NRXN1: variants seen among roughly 807,000 people sequenced by gnomAD.
The protein encoded by NRXN1 is neurexin 1, also known as neurexin-1.
Under a neutral mutation model 150.9 loss-of-function variants are expected in NRXN1, and 39 were observed. The ratio of observed to expected loss-of-function variants is 0.26; its 90% confidence interval spans 0.20 to 0.34. The LOEUF is 0.34. NRXN1 is among the 10% of genes least tolerant of loss of function. The pLI is 1.00. For synonymous variants in NRXN1, 924 were observed against 757.0 expected, an observed-to-expected ratio of 1.22 and a Z score of -3.62; for missense variants, 1,815 against 1,949.9, an observed-to-expected ratio of 0.93 and a Z score of 1.30.
At chr2:50,011,092 G>T (rs1376531077) in intron 21 of NRXN1, among the ~76,000 whole-genome samples, 2 of 152,120 alleles carry the variant, frequency 1.3e-5, no homozygotes, top group African/African-American at 4.8e-5. Flanking sequence ...GAAGTAAATA[G>T]CATTTATGAC....
intron 12 of NRXN1, among the ~76,000 whole-genome samples, chr2:50,526,396 C>T (rs913546328): frequency 3.3e-5 from 5 of 152,082 alleles, no homozygotes; most frequent in Admixed American, 1.3e-4. Flanking sequence ...ATTTAATAAA[C>T]GTACATTAAT....
intron 5 of NRXN1, among the ~76,000 whole-genome samples, chr2:50,749,682 G>T (rs554840632): frequency 6.6e-6 from 1 of 152,204 alleles, no homozygotes; most frequent in Non-Finnish European, 1.5e-5. Context: ...TGTTAGTGGA[G>T]AAATAAAATT....
chr2:50,378,634 C>T (rs1356792031), intron 17 of NRXN1, among the ~76,000 whole-genome samples: 3 of 152,010 alleles, frequency 2.0e-5, no homozygotes, highest in East Asian at 3.9e-4. Context: ...AAATTGGGGG[C>T]TTTTTGTAAT....
chr2:50,214,755 A>T (rs746737664), intron 18 of NRXN1, among the ~76,000 whole-genome samples: 16 of 152,018 alleles, frequency 1.1e-4, no homozygotes, highest in Non-Finnish European at 2.2e-4. Context: ...AAGATAATGA[A>T]ACTGCTTTCT....
At chr2:50,931,746 T>C (rs1299426624) in intron 2 of NRXN1, among the ~76,000 whole-genome samples, 1 of 152,164 alleles carries the variant, frequency 6.6e-6, no homozygotes, top group Non-Finnish European at 1.5e-5. Flanking sequence ...ACTAAATTAA[T>C]TTCAAAGTTT....
intron 5 of NRXN1, among the ~76,000 whole-genome samples, chr2:50,634,179 T>C (rs1406599466): frequency 2.6e-5 from 4 of 152,294 alleles, no homozygotes; most frequent in South Asian, 2.1e-4. Context: ...AGTTTTATAG[T>C]TAGGGGAATG....
chr2:50,552,451 A>G (rs750623884), intron 9 of NRXN1, 136 bp downstream of exon 9: 81 of 666,732 alleles, frequency 1.2e-4, no homozygotes, highest in Non-Finnish European at 2.0e-4. Context: ...AACAGAAGCA[A>G]TATCAGGCAA....
At chr2:50,158,218 T>G (rs2059145598) in intron 18 of NRXN1, among the ~76,000 whole-genome samples, 1 of 151,648 alleles carries the variant, frequency 6.6e-6, no homozygotes, top group Non-Finnish European at 1.5e-5. Context: ...ACATCATTGA[T>G]AGATTTGTCT....
At chr2:50,948,306 T>C (rs1229924828) in intron 2 of NRXN1, among the ~76,000 whole-genome samples, 4 of 152,054 alleles carry the variant, frequency 2.6e-5, no homozygotes, top group Non-Finnish European at 5.9e-5. Flanking sequence ...GCAATTTAGA[T>C]AGATCCAAAA....
chr2:50,868,169 A>G (rs1208182830), intron 5 of NRXN1, among the ~76,000 whole-genome samples: 1 of 87,278 alleles, frequency 1.1e-5, no homozygotes, highest in African/African-American at 3.4e-5. Flanking sequence ...ATATATATAT[A>G]TATATATATA....
rs748887930 is a variant in NRXN1 at position 50,497,454 on chromosome 2, T to A, written c.2758A>T (p.Thr920Ser). 1 of 1,613,758 alleles carries A rather than the reference T, an allele frequency of 6.2e-7. No homozygotes were observed. Among genetic ancestry groups the A allele is most frequent in the Non-Finnish European group, 8.5e-7 (1 of 1,179,774 alleles). ...KTKSSYVALATLQAYTSMHLF... is the reference protein window; with the variant it reads ...KTKSSYVALASLQAYTSMHLF... ...TGCATAGAAGTGTAGGCTTGCAAGG[T>A]AGCTAAGGCAACATAGCTCGATTTG... Residue 920 changes from threonine to serine, a missense_variant, in exon 14 of 23, where the codon ACC becomes TCC. Physicochemically the swap from Thr to Ser is moderately conservative, Grantham distance 58. Transcript: ENST00000401669.
At chr2:50,007,491 C>T (rs761715316) in intron 21 of NRXN1, among the ~76,000 whole-genome samples, 4 of 152,044 alleles carry the variant, frequency 2.6e-5, no homozygotes, top group Non-Finnish European at 4.4e-5. Flanking sequence ...ATTTGGTTTT[C>T]GGTTCCTGTG....
chr2:50,725,653 C>A (rs575179682), intron 5 of NRXN1, among the ~76,000 whole-genome samples: 2 of 152,030 alleles, frequency 1.3e-5, no homozygotes, highest in African/African-American at 4.8e-5. Flanking sequence ...GCCCTTCTTA[C>A]AACAGCCAAT....
At chr2:50,143,649 A>C (rs1280952114) in intron 18 of NRXN1, among the ~76,000 whole-genome samples, 1 of 151,934 alleles carries the variant, frequency 6.6e-6, no homozygotes, top group Non-Finnish European at 1.5e-5. Flanking sequence ...AAATACTTTA[A>C]TTGACTCTAC....
chr2:50,526,557 T>G (rs2160448), intron 12 of NRXN1: 132,412 of 152,196 alleles, frequency 0.87, 57,927 homozygotes, highest in African/African-American at 0.94. Context: ...CACTGCTCAT[T>G]TAATCACTGT....
intron 8 of NRXN1, among the ~76,000 whole-genome samples, chr2:50,572,740 C>T (rs1670843670): frequency 6.6e-6 from 1 of 152,052 alleles, no homozygotes; most frequent in Non-Finnish European, 1.5e-5. Context: ...AACGAAAAGG[C>T]CAGAGAATTA....
intron 5 of NRXN1, among the ~76,000 whole-genome samples, chr2:50,645,751 C>G (rs1452141764): frequency 6.6e-6 from 1 of 151,764 alleles, no homozygotes; most frequent in Non-Finnish European, 1.5e-5. Context: ...TATCTACTAC[C>G]CTTTTAAACT....
chr2:50,749,415 G>A (rs1411089919), intron 5 of NRXN1, among the ~76,000 whole-genome samples: 2 of 151,848 alleles, frequency 1.3e-5, no homozygotes, highest in African/African-American at 2.4e-5. Context: ...CTTGCTCCCT[G>A]TTGGCATCCC....
At chr2:50,333,488 T>C (rs916816147) in intron 17 of NRXN1, among the ~76,000 whole-genome samples, 1 of 151,896 alleles carries the variant, frequency 6.6e-6, no homozygotes, top group Non-Finnish European at 1.5e-5. Context: ...CCTATAGAAA[T>C]CAGTAATGAA....
Sources: allele counts gnomAD v4.1 joint callset (sites outside exome capture counted in the v4.1 genomes callset), GRCh38; gene constraint gnomAD v4.1.1; transcripts MANE v1.5; gene names NCBI Gene and HGNC (gene_info 2026-07-23, HGNC 2026-07-21).